RIMS2: variants seen among roughly 807,000 people sequenced by gnomAD.
RIMS2 encodes regulating synaptic membrane exocytosis protein 2.
RIMS2 carries 59 observed loss-of-function variants against 174.4 expected under a neutral mutation model. That is an observed-to-expected ratio of 0.34 (90% CI 0.27 to 0.42). The LOEUF is 0.42. Ranked by LOEUF, RIMS2 falls within the 10% of genes least tolerant of loss-of-function variation. RIMS2 has a pLI of 1.00. For synonymous variants in RIMS2, 606 were observed against 572.5 expected (o/e 1.06, Z -0.84); for missense variants, 1,620 against 1,666.3 (o/e 0.97, Z 0.48).
chr8:103,667,861 T>C (rs539835997), intron 1 of RIMS2, among the ~76,000 whole-genome samples: 59 of 152,304 alleles, frequency 3.9e-4, no homozygotes, highest in Non-Finnish European at 5.0e-4. Context: ...TAGGGGATCT[T>C]CTGAGTTGTG....
At chr8:104,116,866 G>T (rs977545630) in intron 19 of RIMS2, among the ~76,000 whole-genome samples, 1 of 151,978 alleles carries the variant, frequency 6.6e-6, no homozygotes, top group Non-Finnish European at 1.5e-5. Context: ...GTTTTTTAAT[G>T]ATAAAGAGCT....
chr8:104,231,074 A>C (rs984892140), intron 19 of RIMS2, among the ~76,000 whole-genome samples: 4 of 152,330 alleles, frequency 2.6e-5, no homozygotes, highest in Admixed American at 1.3e-4. Flanking sequence ...GAAATGCTTC[A>C]TTCCCAACTT....
chr8:103,765,649 G>GC (rs1408725134), intron 2 of RIMS2, among the ~76,000 whole-genome samples: 1 of 151,742 alleles, frequency 6.6e-6, no homozygotes, highest in African/African-American at 2.4e-5. Flanking sequence ...AAAAATAAAA[G>GC]CCCCCTTAAG....
chr8:103,753,615 T>G (rs1251646512), intron 2 of RIMS2, among the ~76,000 whole-genome samples: 2 of 152,206 alleles, frequency 1.3e-5, no homozygotes, highest in Admixed American at 6.5e-5. Context: ...AGCCTATTAT[T>G]GGTCTATTCG....
At chr8:103,587,869 C>G (rs186219210) in intron 1 of RIMS2, among the ~76,000 whole-genome samples, 21 of 152,074 alleles carry the variant, frequency 1.4e-4, no homozygotes, top group Non-Finnish European at 1.9e-4. Context: ...CCCAGTTTCA[C>G]CACTGTGATT....
intron 19 of RIMS2, among the ~76,000 whole-genome samples, chr8:104,180,160 C>A (rs947708632): frequency 2.6e-5 from 4 of 151,556 alleles, no homozygotes; most frequent in Non-Finnish European, 5.9e-5. Flanking sequence ...TTGTACTGAC[C>A]TAATGTATGT....
intron 1 of RIMS2, among the ~76,000 whole-genome samples, chr8:103,689,200 T>C (rs974765912): frequency 6.6e-6 from 1 of 152,134 alleles, no homozygotes; most frequent in Non-Finnish European, 1.5e-5. Flanking sequence ...TTTTATTTCA[T>C]TGTGGTCAGA....
intron 1 of RIMS2, among the ~76,000 whole-genome samples, chr8:103,666,614 G>C (rs2096672493): frequency 6.6e-6 from 1 of 152,062 alleles, no homozygotes; most frequent in South Asian, 2.1e-4. Context: ...AAACATTTCT[G>C]GTCTTTTTTG....
intron 1 of RIMS2, 89 bp from the exon 4 acceptor site, chr8:103,696,997 G>A: frequency 1.4e-6 from 1 of 731,122 alleles, no homozygotes; most frequent in Non-Finnish European, 2.4e-6. Context: ...TATTTTTTTG[G>A]TTATAAAACT....
chr8:104,230,847 T>A (rs1253795071), intron 19 of RIMS2, among the ~76,000 whole-genome samples: 1 of 152,116 alleles, frequency 6.6e-6, no homozygotes. Flanking sequence ...AGCTAATTAA[T>A]GCCAGACTGA....
intron 19 of RIMS2, among the ~76,000 whole-genome samples, chr8:104,129,413 A>G (rs1020197847): frequency 6.6e-6 from 1 of 152,244 alleles, no homozygotes; most frequent in African/African-American, 2.4e-5. Flanking sequence ...ATAACAAATC[A>G]ATAAAAACAT....
At chr8:103,961,429 C>T (rs2090037224) in intron 15 of RIMS2, among the ~76,000 whole-genome samples, 1 of 151,958 alleles carries the variant, frequency 6.6e-6, no homozygotes, top group African/African-American at 2.4e-5. Context: ...CATAATCAGA[C>T]TTTTTTATAC....
intron 2 of RIMS2, among the ~76,000 whole-genome samples, chr8:103,705,855 T>C (rs1347291379): frequency 6.6e-6 from 1 of 151,776 alleles, no homozygotes; most frequent in East Asian, 1.9e-4. Context: ...TTTAAATTCA[T>C]TTCACTCCTC....
intron 2 of RIMS2, among the ~76,000 whole-genome samples, chr8:103,708,016 G>GCT (rs1276584023): frequency 6.6e-6 from 1 of 152,176 alleles, no homozygotes; most frequent in Non-Finnish European, 1.5e-5. Flanking sequence ...TAAGAAAAAG[G>GCT]AATCTCTGCA....
intron 3 of RIMS2, chr8:103,819,065 A>G (rs1464256735): frequency 8.6e-6 from 2 of 232,144 alleles, no homozygotes; most frequent in Non-Finnish European, 1.4e-5. Flanking sequence ...CAGTAGTAGC[A>G]TTGAGAAGAT....
intron 19 of RIMS2, among the ~76,000 whole-genome samples, chr8:104,195,450 A>G (rs2099019217): frequency 6.6e-6 from 1 of 151,760 alleles, no homozygotes; most frequent in African/African-American, 2.4e-5. Context: ...AAAGATGTGT[A>G]GTGGGCCTCT....
intron 8 of RIMS2, among the ~76,000 whole-genome samples, chr8:103,916,939 A>G (rs1171565732): frequency 2.0e-5 from 3 of 152,160 alleles, no homozygotes; most frequent in African/African-American, 7.2e-5. Flanking sequence ...GTAATAGTTT[A>G]TGGAAAAACA....
chr8:103,813,210 A>G (rs1439874796), intron 3 of RIMS2, among the ~76,000 whole-genome samples: 1 of 152,220 alleles, frequency 6.6e-6, no homozygotes, highest in Non-Finnish European at 1.5e-5. Context: ...TAAGTATGTC[A>G]TGAATTATCA....
At chr8:104,188,401 GTTT>G (rs2098980752) in intron 19 of RIMS2, among the ~76,000 whole-genome samples, 1 of 151,284 alleles carries the variant, frequency 6.6e-6, no homozygotes, top group Non-Finnish European at 1.5e-5. Flanking sequence ...TGAATCAGTA[GTTT>G]TTAATTGCTA....
Sources: allele counts gnomAD v4.1 joint callset (sites outside exome capture counted in the v4.1 genomes callset), GRCh38; gene constraint gnomAD v4.1.1; transcripts MANE v1.5; gene names NCBI Gene and HGNC (gene_info 2026-07-23, HGNC 2026-07-21).